Variants in CNTNAP5 observed in about 807,000 individuals in gnomAD.
CNTNAP5 encodes contactin associated protein family member 5.
A neutral mutation model predicts 150.2 loss-of-function variants in CNTNAP5; 72 were observed. The observed-to-expected ratio is 0.48, with a 90% CI of 0.40 to 0.58. The LOEUF (loss-of-function observed/expected upper bound fraction) is 0.58, where lower values mean the gene tolerates loss of function less well. Ranked by LOEUF, CNTNAP5 falls within the 20% of genes least tolerant of loss-of-function variation. CNTNAP5 has a pLI of 0.00. For missense variants in CNTNAP5, 1,636 were observed against 1,626.2 expected (o/e 1.01, Z -0.10); for synonymous variants, 672 against 619.8 (o/e 1.08, Z -1.25).
At chr2:124,856,230 T>A (rs61394875) in intron 19 of CNTNAP5, among the ~76,000 whole-genome samples, 2,871 of 152,290 alleles carry the variant, frequency 0.019, 75 homozygotes, top group African/African-American at 0.061. Context: ...TTTCTTAATC[T>A]GCTAGTTGAT....
rs567734130 is a variant in CNTNAP5 at position 124,032,781 on chromosome 2, G to A, written c.82+7049G>A. Among the ~76,000 whole-genome samples, 3 of 152,264 alleles carry A rather than the reference G, an allele frequency of 2.0e-5. No homozygotes were observed. The East Asian group carries it at 5.8e-4, about 29-fold the overall frequency. On this transcript the variant is annotated intron_variant, in intron 1 of 23. Coordinates refer to ENST00000682447, the MANE Select transcript of CNTNAP5 (RefSeq NM_001367498.1). ...AAGGTACTCAGTTCTCTGAAATGAA[G>A]TTCTTCTCTGGGAATACCAAACGAC...
At chr2:124,387,194 CCTGATAAAGATGAGTA>C (rs1168910830) in intron 3 of CNTNAP5, among the ~76,000 whole-genome samples, 1 of 152,202 alleles carries the variant, frequency 6.6e-6, no homozygotes, top group Non-Finnish European at 1.5e-5. Flanking sequence ...CTAGTTGTGG[CCTGATAAAGATGAGTA>C]CAGAGTCCGA....
At chr2:124,859,972 T>A (rs193016775) in intron 19 of CNTNAP5, among the ~76,000 whole-genome samples, 2 of 152,030 alleles carry the variant, frequency 1.3e-5, no homozygotes, top group East Asian at 3.9e-4. Flanking sequence ...GATGAGTTAA[T>A]GAGTGCAGCA....
At chr2:124,768,863 G>T (rs1029214760) in intron 16 of CNTNAP5, among the ~76,000 whole-genome samples, 7 of 152,102 alleles carry the variant, frequency 4.6e-5, no homozygotes, top group African/African-American at 1.2e-4. Context: ...AATACCACAG[G>T]TACTATTTTT....
At chr2:124,220,217 C>T (rs17011132) in intron 1 of CNTNAP5, among the ~76,000 whole-genome samples, 3,520 of 151,712 alleles carry the variant, frequency 0.023, 138 homozygotes, top group African/African-American at 0.078. Flanking sequence ...TCAAACTAAA[C>T]GGCACATTTT....
chr2:124,090,019 C>T (rs934059441), intron 1 of CNTNAP5, among the ~76,000 whole-genome samples: 2 of 152,232 alleles, frequency 1.3e-5, no homozygotes, highest in African/African-American at 4.8e-5. Context: ...TGAATCTTTC[C>T]ATCTTTATAT....
chr2:124,047,840 G>A (rs1426886850), intron 1 of CNTNAP5, among the ~76,000 whole-genome samples: 2 of 152,086 alleles, frequency 1.3e-5, no homozygotes, highest in Non-Finnish European at 2.9e-5. Context: ...GTGGTAAAGA[G>A]CTAGTACCTG....
chr2:124,038,782 C>G (rs1013673763), intron 1 of CNTNAP5, among the ~76,000 whole-genome samples: 1 of 152,208 alleles, frequency 6.6e-6, no homozygotes, highest in African/African-American at 2.4e-5. Context: ...CTGCCTTATT[C>G]TTAATTGCAG....
At chr2:124,765,357 A>G (rs537196693) in intron 16 of CNTNAP5, among the ~76,000 whole-genome samples, 1 of 152,102 alleles carries the variant, frequency 6.6e-6, no homozygotes. Flanking sequence ...TTTTGTCTCA[A>G]ACCTCTGTGG....
At chr2:124,705,080 G>A (rs866436595) in intron 13 of CNTNAP5, among the ~76,000 whole-genome samples, 1 of 151,762 alleles carries the variant, frequency 6.6e-6, no homozygotes, top group Admixed American at 6.6e-5. Flanking sequence ...ATCATATTAT[G>A]CAACATATAT....
At chr2:124,486,249 C>G (rs1693878030) in intron 7 of CNTNAP5, among the ~76,000 whole-genome samples, 1 of 152,070 alleles carries the variant, frequency 6.6e-6, no homozygotes, top group Non-Finnish European at 1.5e-5. Flanking sequence ...GGGAGCTAAG[C>G]TATGAGGATG....
At chr2:124,786,176 C>T (rs1421305507) in intron 17 of CNTNAP5, among the ~76,000 whole-genome samples, 3 of 151,292 alleles carry the variant, frequency 2.0e-5, no homozygotes, top group Admixed American at 1.3e-4. Context: ...GCAGGAGGAT[C>T]GCTTGAACTT....
chr2:124,818,889 T>C (rs1022733624), intron 19 of CNTNAP5, among the ~76,000 whole-genome samples: 2 of 152,150 alleles, frequency 1.3e-5, no homozygotes, highest in African/African-American at 4.8e-5. Context: ...CTCATCGACC[T>C]TCTCATTATT....
At chr2:124,862,803 G>A (rs1677553669) in intron 19 of CNTNAP5, among the ~76,000 whole-genome samples, 1 of 152,222 alleles carries the variant, frequency 6.6e-6, no homozygotes, top group South Asian at 2.1e-4. Flanking sequence ...TTCCCCAAGA[G>A]TCATGTGAAA....
At chr2:124,295,818 G>T (rs185279970) in intron 3 of CNTNAP5, among the ~76,000 whole-genome samples, 1 of 152,194 alleles carries the variant, frequency 6.6e-6, no homozygotes, top group African/African-American at 2.4e-5. Context: ...AGACCATATA[G>T]GGTAACTTCC....
At chr2:124,802,995 G>C (rs1043152871) in intron 19 of CNTNAP5, among the ~76,000 whole-genome samples, 2 of 151,770 alleles carry the variant, frequency 1.3e-5, no homozygotes, top group Admixed American at 1.3e-4. Context: ...GGTGCCTTTA[G>C]TCCCAGCTAC....
intron 18 of CNTNAP5, among the ~76,000 whole-genome samples, chr2:124,793,705 A>AG (rs1296947393): frequency 1.3e-5 from 2 of 152,082 alleles, no homozygotes; most frequent in African/African-American, 2.4e-5. Flanking sequence ...GTTGTGAGGT[A>AG]GGGGGTCCAG....
chr2:124,230,310 A>G (rs1686582850), intron 2 of CNTNAP5, among the ~76,000 whole-genome samples: 4 of 152,194 alleles, frequency 2.6e-5, no homozygotes, highest in Non-Finnish European at 5.9e-5. Flanking sequence ...CATTTGCACA[A>G]TTAGCATTTC....
intron 3 of CNTNAP5, 42 bp from the exon 4 acceptor site, chr2:124,417,401 A>G (rs768756408): frequency 1.9e-6 from 3 of 1,578,682 alleles, no homozygotes; most frequent in East Asian, 2.3e-5. Flanking sequence ...CTGAAATTCC[A>G]TGATAGCACA....
Sources: allele counts gnomAD v4.1 joint callset (sites outside exome capture counted in the v4.1 genomes callset), GRCh38; gene constraint gnomAD v4.1.1; transcripts MANE v1.5; gene names NCBI Gene and HGNC (gene_info 2026-07-23, HGNC 2026-07-21).